The following LAMB3 variants were observed in gnomAD, a reference collection of about 807,000 sequenced individuals.
The protein encoded by LAMB3 is laminin subunit beta 3.
LAMB3 carries 104 observed loss-of-function variants against 140.3 expected under a neutral mutation model. That is an observed-to-expected ratio of 0.74 (90% CI 0.63 to 0.87). The LOEUF (loss-of-function observed/expected upper bound fraction) is 0.87, where lower values mean the gene tolerates loss of function less well. Ranked by LOEUF, LAMB3 falls within the 40% of genes least tolerant of loss-of-function variation. LAMB3 has a pLI of 0.00. For missense variants in LAMB3, 1,531 were observed against 1,575.2 expected (o/e 0.97, Z 0.47); for synonymous variants, 592 against 602.9 (o/e 0.98, Z 0.26).
intron 3 of LAMB3, among the ~76,000 whole-genome samples, chr1:209,645,464 C>A (rs535693789): frequency 1.3e-5 from 2 of 152,114 alleles, no homozygotes; most frequent in East Asian, 3.9e-4. Context: ...CACCTGTAAT[C>A]CAGCACTTTG....
chr1:209,622,775 T>C, intron 17 of LAMB3, 95 bp from the exon 18 acceptor site: 2 of 1,538,742 alleles, frequency 1.3e-6, no homozygotes. Flanking sequence ...TGCCAAGACC[T>C]ACCTAGGAAG....
At chr1:209,634,664 A>T in intron 5 of LAMB3, 26 bp from the exon 6 acceptor site, 1 of 1,593,690 alleles carries the variant, frequency 6.3e-7, no homozygotes, top group African/African-American at 1.3e-5. Context: ...CAGTGTGCAG[A>T]GGGGAGGCAC....
At chr1:209,618,790 C>T in intron 18 of LAMB3, 131 bp from the exon 19 acceptor site, 1 of 837,072 alleles carries the variant, frequency 1.2e-6, no homozygotes, top group Non-Finnish European at 2.0e-6. Context: ...CAAGGAGCTG[C>T]TGCCCCCTTT....
Position 209,642,239 on chromosome 1 carries a change from A to ATG in LAMB3, c.184-3593_184-3592dup, listed in dbSNP as rs35407904. On this transcript the variant is annotated intron_variant, in intron 3 of 22. Coordinates refer to ENST00000356082, the MANE Select transcript of LAMB3 (RefSeq NM_000228.3). ...GCATATACATTATAATCTCAAATAT[A>ATG]TGTGTGTGTGTGAATATATATATAT... 5.9e-3 allele frequency among the ~76,000 whole-genome samples: 905 copies of ATG among 152,190 alleles called. 7 individuals are homozygous for ATG. Among genetic ancestry groups the ATG allele is most frequent in the Non-Finnish European group, 9.1e-3 (616 of 68,008 alleles).
At chr1:209,644,666 T>C (rs1425931089) in intron 3 of LAMB3, among the ~76,000 whole-genome samples, 1 of 152,148 alleles carries the variant, frequency 6.6e-6, no homozygotes, top group Non-Finnish European at 1.5e-5. Context: ...AGCAGTCACT[T>C]GGCAATCACT....
chr1:209,617,880 T>C (rs1318866531), intron 20 of LAMB3, 27 bp downstream of exon 20: 2 of 1,614,064 alleles, frequency 1.2e-6, no homozygotes, highest in Non-Finnish European at 1.7e-6. Context: ...TGCCCAAATA[T>C]GGGCGGAGGA....
chr1:209,624,976 A>AGAAG (rs57166402), intron 14 of LAMB3, among the ~76,000 whole-genome samples: 35 of 149,820 alleles, frequency 2.3e-4, no homozygotes, highest in African/African-American at 7.4e-4. Context: ...AAGAAGGAAA[A>AGAAG]GAAGGAAGGA....
intron 19 of LAMB3, 31 bp from the exon 20 acceptor site, chr1:209,618,079 G>C (rs776083506): frequency 3.7e-6 from 6 of 1,613,726 alleles, no homozygotes; most frequent in Admixed American, 3.3e-5. Context: ...GGAGAGGAGA[G>C]AGAGAATGAG....
At position 209,627,636 on chromosome 1, in the gene LAMB3, G is replaced by A. The variant is rs147383480; in HGVS notation, c.1289-57C>T. 386 of 1,528,136 alleles carry A rather than the reference G, an allele frequency of 2.5e-4. 3 individuals carry two copies. In the East Asian group the frequency reaches 4.7e-3, roughly 18 times the overall value. The allele number at this position is 1,528,136 out of a possible 1,614,324, so 94.7% of individuals were successfully genotyped here. A position where few individuals can be genotyped will look rare whatever the true frequency, so the allele number is the denominator to read the frequency against. On this transcript the variant is annotated intron_variant, in intron 11 of 22. Transcript: ENST00000356082. ...ACGCTCCATGAAAAACTCACCCCCAGAGGACACACATCCAGGGAGGGGCGC... is the reference window on the plus strand; with the variant it reads ...ACGCTCCATGAAAAACTCACCCCCAAAGGACACACATCCAGGGAGGGGCGC...
chr1:209,625,216 G>T (rs569631805), intron 14 of LAMB3, among the ~76,000 whole-genome samples: 1 of 152,252 alleles, frequency 6.6e-6, no homozygotes, highest in South Asian at 2.1e-4. Flanking sequence ...CACTAAGAAG[G>T]CACCTCTGCT....
intron 18 of LAMB3, 187 bp from the exon 19 acceptor site, chr1:209,618,846 G>A (rs749418735): frequency 9.5e-5 from 62 of 654,736 alleles, no homozygotes; most frequent in African/African-American, 1.4e-4. Flanking sequence ...TGGGAATGCT[G>A]TAGGAGGATG....
rs1666407944 is a variant in LAMB3 at position 209,625,663 on chromosome 1, G to A, written c.1961C>T (p.Ala654Val). The A allele has an allele frequency of 1.2e-6, 2 of 1,614,178 alleles. No homozygotes were observed. Among genetic ancestry groups the A allele is most frequent in the Non-Finnish European group, 1.7e-6 (2 of 1,180,038 alleles). Residue 654 changes from alanine to valine, a missense_variant, in exon 14 of 23, where the codon GCC becomes GTC. By Grantham distance (64) the Ala-to-Val change is moderately conservative (BLOSUM62 0). Transcript: ENST00000356082. ...TEQEVAQVASAILSLRRTLQG... is the reference protein window; with the variant it reads ...TEQEVAQVASVILSLRRTLQG... ...AGGGAATTACCTGAGGGAGAGGATG[G>A]CACTGGCCACCTGAGCCACCTCCTG...
At chr1:209,642,698 C>T (rs2076480486) in intron 3 of LAMB3, among the ~76,000 whole-genome samples, 1 of 152,104 alleles carries the variant, frequency 6.6e-6, no homozygotes, top group Non-Finnish European at 1.5e-5. Flanking sequence ...AGGCTGGTCT[C>T]GAACTCCTGA....
chr1:209,645,551 A>C (rs2076509405), intron 3 of LAMB3, among the ~76,000 whole-genome samples: 1 of 152,062 alleles, frequency 6.6e-6, no homozygotes, highest in Admixed American at 6.6e-5. Flanking sequence ...CCCTGTCTCT[A>C]CTAAAAATAC....
In LAMB3 at chr1:209,623,121, C is replaced by T. The variant is rs1216593842; in HGVS notation, c.2417G>A (p.Cys806Tyr). 6.2e-7 allele frequency: 1 copy of T among 1,614,236 alleles called. No individual in the cohort carries two copies. The highest frequency in any genetic ancestry group is 8.5e-7 in the Non-Finnish European group (1 of 1,180,046). ...CTPISCPGELCPQDNGTACGS... is the reference protein window; with the variant it reads ...CTPISCPGELYPQDNGTACGS... The stretch of plus-strand genomic sequence containing the variant: ...ACAGGCTGTGCCATTGTCTTGGGGA[C>T]ATAGCTCACCAGGGCATGATATTGG... The change falls in exon 17 of 23, where the codon TGT becomes TAT. Residue 806 changes from cysteine to tyrosine, a missense_variant. Physicochemically the swap from Cys to Tyr is radical, Grantham distance 194 (BLOSUM62 -2). Transcript: ENST00000356082. The surrounding 1 kb of genome is among the most constrained non-coding windows in gnomAD (Gnocchi z 4.2).
intron 19 of LAMB3, 36 bp from the exon 20 acceptor site, chr1:209,618,084 A>G: frequency 6.2e-7 from 1 of 1,613,362 alleles, no homozygotes. Context: ...GGAGAGAGAG[A>G]ATGAGTGAAC....
At position 209,616,591 on chromosome 1, in the gene LAMB3, A is replaced by G. The variant is rs1571795285; in HGVS notation, c.3262T>C (p.Leu1088=). Residue 1088 remains leucine, a synonymous_variant, in exon 22 of 23, where the codon TTG becomes CTG. Transcript: ENST00000356082. ...GAACTCTGACCCAACCGGTCCTTCA[A>G]CTCAGCATACTTTTGTTTTATTCTC... ...FERIKQKYAE[L]KDRLGQSSML... is the part of the protein sequence containing the mutation. The G allele has an allele frequency of 1.2e-6, 2 of 1,614,116 alleles. No individual in the cohort carries two copies. Among genetic ancestry groups the G allele is most frequent in the South Asian group, 2.2e-5 (2 of 91,080 alleles).
At chr1:209,652,095 G>A (rs1221469559) in intron 1 of LAMB3, among the ~76,000 whole-genome samples, 1 of 152,090 alleles carries the variant, frequency 6.6e-6, no homozygotes, top group Non-Finnish European at 1.5e-5. Context: ...AAATCCCCCT[G>A]CAAGTAGGCA....
At chr1:209,645,677 C>T (rs1018181402) in intron 3 of LAMB3, among the ~76,000 whole-genome samples, 9 of 149,658 alleles carry the variant, frequency 6.0e-5, no homozygotes, top group Non-Finnish European at 1.3e-4. Context: ...GATCATGCCA[C>T]TGTACTCCAG....
Sources: gnomAD v4.1 joint callset for allele counts (sites outside exome capture counted in the v4.1 genomes callset) on GRCh38, gnomAD v4.1.1 for gene constraint, Gnocchi (gnomAD v3.1) non-coding constraint, MANE v1.5 for transcripts, NCBI Gene and HGNC (gene_info 2026-07-23, HGNC 2026-07-21) for gene names.